The following CALU variants were observed in gnomAD, a reference collection of about 807,000 sequenced individuals.
CALU encodes the protein IEF SSP 9302.
A neutral mutation model predicts 37.5 loss-of-function variants in CALU; 13 were observed. The observed-to-expected ratio is 0.35, with a 90% CI of 0.23 to 0.55. CALU has a LOEUF of 0.55. Ranked by LOEUF, CALU falls within the 20% of genes least tolerant of loss-of-function variation. The pLI is 0.89. For synonymous variants in CALU, 114 were observed against 133.8 expected (o/e 0.85, Z 1.02); for missense variants, 282 against 391.7 (o/e 0.72, Z 2.36).
At chr7:128,754,237 C>T in intron 2 of CALU, 25 bp from the exon 3 acceptor site, 2 of 1,575,016 alleles carry the variant, frequency 1.3e-6, no homozygotes, top group Middle Eastern at 3.4e-4. Context: ...TAACCTTTTG[C>T]TGGATTTCTC....
chr7:128,741,441 A>G (rs1046944922), intron 1 of CALU, among the ~76,000 whole-genome samples: 1 of 152,238 alleles, frequency 6.6e-6, no homozygotes, highest in Non-Finnish European at 1.5e-5. Flanking sequence ...ATATGTAGAC[A>G]TTCTTCCAGA....
intron 5 of CALU, among the ~76,000 whole-genome samples, chr7:128,766,999 G>T (rs1801361144): frequency 6.6e-6 from 1 of 152,162 alleles, no homozygotes; most frequent in South Asian, 2.1e-4. Flanking sequence ...ACCTTTCTCA[G>T]TGTACTCCTT....
intron 1 of CALU, among the ~76,000 whole-genome samples, chr7:128,745,890 C>G (rs1302859962): frequency 1.3e-5 from 2 of 152,186 alleles, no homozygotes; most frequent in Non-Finnish European, 2.9e-5. Context: ...CACTTTCACA[C>G]CAATCTTACC....
chr7:128,749,250 C>T (rs1165339046), intron 2 of CALU, among the ~76,000 whole-genome samples: 3 of 152,248 alleles, frequency 2.0e-5, no homozygotes, highest in Admixed American at 1.3e-4. Context: ...AGGTGTCCTT[C>T]ACCCTCTTTA....
intron 3 of CALU, among the ~76,000 whole-genome samples, chr7:128,758,502 A>G (rs1384073952): frequency 6.6e-6 from 1 of 152,246 alleles, no homozygotes; most frequent in Non-Finnish European, 1.5e-5. Flanking sequence ...ACCAAGACAC[A>G]GGCCAAACAG....
Position 128,754,828 on chromosome 7 carries a change from G to A in CALU, c.415+373G>A. 5 of 482,864 alleles carry A rather than the reference G, an allele frequency of 1.0e-5. No homozygotes were observed. The South Asian group carries it at 3.3e-4, about 32-fold the overall frequency. 29.9% of individuals were successfully genotyped at this position (482,864 alleles called of 1,614,324 possible). ...AGCTTATCTTAAATAGTTCAATTCA[G>A]TGCTAAGCTGATTCCCTTTATTAAT... is the stretch of plus-strand genomic sequence containing the variant. On this transcript the variant is annotated intron_variant, in intron 3 of 6. Coordinates refer to ENST00000249364, the MANE Select transcript of CALU (RefSeq NM_001219.5).
intron 3 of CALU, 62 bp from the exon 4 acceptor site, chr7:128,758,809 C>A: frequency 8.7e-7 from 1 of 1,149,638 alleles, no homozygotes; most frequent in Non-Finnish European, 1.3e-6. Context: ...GATTTCCCAC[C>A]CCACACATTT....
At chr7:128,755,953 A>G (rs1298403511) in intron 3 of CALU, among the ~76,000 whole-genome samples, 1 of 152,226 alleles carries the variant, frequency 6.6e-6, no homozygotes, top group Non-Finnish European at 1.5e-5. Context: ...CATTAATTAC[A>G]GGACTGCATG....
At chr7:128,752,195 A>C (rs997072635) in intron 2 of CALU, among the ~76,000 whole-genome samples, 7 of 152,168 alleles carry the variant, frequency 4.6e-5, no homozygotes, top group Non-Finnish European at 1.0e-4. Flanking sequence ...CAAAGTCAAA[A>C]ATATTTACTA....
chr7:128,761,557 A>T (rs1011734206), intron 5 of CALU: 1 of 152,188 alleles, frequency 6.6e-6, no homozygotes, highest in Non-Finnish European at 1.5e-5. Flanking sequence ...TGTGGATAGC[A>T]ATTGTACTCC....
At chr7:128,764,249 G>A (rs1165387086) in intron 5 of CALU, among the ~76,000 whole-genome samples, 3 of 151,542 alleles carry the variant, frequency 2.0e-5, no homozygotes, top group Non-Finnish European at 2.9e-5. Context: ...ACAACATGGC[G>A]CAACCCTGTC....
At chr7:128,754,239 G>A in intron 2 of CALU, 23 bp from the exon 3 acceptor site, 2 of 1,582,594 alleles carry the variant, frequency 1.3e-6, no homozygotes, top group Non-Finnish European at 1.7e-6. Flanking sequence ...ACCTTTTGCT[G>A]GATTTCTCTG....
chr7:128,769,229 G>C lies in CALU; in HGVS notation c.*62G>C. The C allele has an allele frequency of 3.3e-6, 3 of 898,078 alleles. No individual in the cohort carries two copies. Among genetic ancestry groups the C allele is most frequent in the Non-Finnish European group, 5.3e-6 (3 of 565,688 alleles). The allele number at this position is 898,078 out of a possible 1,614,324, so 55.6% of individuals were successfully genotyped here. On this transcript the variant is annotated 3_prime_UTR_variant, in exon 7 of 7. Coordinates refer to ENST00000249364, the MANE Select transcript of CALU (RefSeq NM_001219.5). ...ATTTTTACAGCTTCTGGTTTCACAT[G>C]AAATTGTTTGCGCTACTGAGACTGT...
intron 6 of CALU, 34 bp downstream of exon 6, chr7:128,767,689 G>T (rs1445531836): frequency 1.3e-6 from 2 of 1,545,102 alleles, no homozygotes; most frequent in South Asian, 1.1e-5. Context: ...CTCTATCCTT[G>T]ATTGAAGTAT....
intron 5 of CALU, among the ~76,000 whole-genome samples, chr7:128,760,889 C>T (rs1801087835): frequency 1.3e-5 from 2 of 152,122 alleles, no homozygotes; most frequent in Non-Finnish European, 2.9e-5. Flanking sequence ...GCCGGGGCTA[C>T]AGAGCGAGAC....
At position 128,748,554 on chromosome 7, in the gene CALU, G is replaced by C. The variant is rs374941855; in HGVS notation, c.-11-19G>C. 10 of 1,576,692 alleles carry C rather than the reference G, an allele frequency of 6.3e-6. No individual in the cohort carries two copies. In the African/African-American group the frequency reaches 1.4e-4, roughly 21 times the overall value. ...AAGCATACTGCCTCCTGAATTAACT[G>C]CTTTTCATTTTCTTCAAGATCTAAT... On this transcript the variant is annotated intron_variant, in intron 1 of 6. Transcript: ENST00000249364.
intron 5 of CALU, among the ~76,000 whole-genome samples, chr7:128,767,130 C>T (rs1430149222): frequency 6.6e-6 from 1 of 152,134 alleles, no homozygotes; most frequent in Non-Finnish European, 1.5e-5. Context: ...AATTAGCTAC[C>T]TTAGGGTGAA....
intron 1 of CALU, among the ~76,000 whole-genome samples, chr7:128,743,168 T>TC (rs967803915): frequency 7.9e-5 from 12 of 151,698 alleles, no homozygotes; most frequent in African/African-American, 2.2e-4. Flanking sequence ...TTTTTTTTTT[T>TC]CCCAAGAAAA....
At chr7:128,768,862 A>C (rs1170116970) in intron 6 of CALU, among the ~76,000 whole-genome samples, 1 of 150,700 alleles carries the variant, frequency 6.6e-6, no homozygotes, top group Non-Finnish European at 1.5e-5. Flanking sequence ...AAAAAAAAAA[A>C]AAAAAACAAG....
Sources: gnomAD v4.1 joint callset for allele counts (sites outside exome capture counted in the v4.1 genomes callset) on GRCh38, gnomAD v4.1.1 for gene constraint, MANE v1.5 for transcripts, NCBI Gene and HGNC (gene_info 2026-07-23, HGNC 2026-07-21) for gene names.